The following SCFD2 variants were observed in gnomAD, a reference collection of about 807,000 sequenced individuals.
The protein encoded by SCFD2 is sec1 family domain-containing protein 2.
SCFD2 carries 54 observed loss-of-function variants against 58.9 expected under a neutral mutation model. That is an observed-to-expected ratio of 0.92 (90% CI 0.74 to 1.15). The LOEUF is 1.15. SCFD2 is among the 50% of genes most tolerant of loss of function. SCFD2 has a pLI of 0.00. For synonymous variants in SCFD2, 321 were observed against 335.9 expected, an observed-to-expected ratio of 0.96 and a Z score of 0.49; for missense variants, 805 against 836.6, an observed-to-expected ratio of 0.96 and a Z score of 0.47.
intron 5 of SCFD2, among the ~76,000 whole-genome samples, chr4:53,048,048 A>G (rs1301739766): frequency 6.6e-6 from 1 of 152,106 alleles, no homozygotes; most frequent in African/African-American, 2.4e-5. Context: ...AGCTTGAAAA[A>G]TCTTTTAATT....
chr4:52,921,893 G>A (rs1420359890), intron 5 of SCFD2, among the ~76,000 whole-genome samples: 2 of 152,142 alleles, frequency 1.3e-5, no homozygotes, highest in Admixed American at 6.5e-5. Context: ...GAGTGCTGGG[G>A]AGTCAACACT....
intron 2 of SCFD2, among the ~76,000 whole-genome samples, chr4:53,340,086 T>A (rs1733814939): frequency 6.6e-6 from 1 of 151,518 alleles, no homozygotes; most frequent in South Asian, 2.1e-4. Flanking sequence ...AGGTACCGGG[T>A]TCATCTCACT....
intron 5 of SCFD2, among the ~76,000 whole-genome samples, chr4:53,000,290 A>C (rs916641261): frequency 7.2e-5 from 11 of 152,210 alleles, no homozygotes; most frequent in Non-Finnish European, 1.5e-4. Context: ...TGGAGGCCCC[A>C]AACAGATTTT....
chr4:52,992,513 C>T (rs1436709903), intron 5 of SCFD2, among the ~76,000 whole-genome samples: 5 of 151,954 alleles, frequency 3.3e-5, no homozygotes, highest in African/African-American at 7.3e-5. Context: ...AGGAGCCCCT[C>T]TGCCCGGCCA....
At chr4:53,089,941 T>G (rs766024779) in intron 5 of SCFD2, among the ~76,000 whole-genome samples, 28 of 152,172 alleles carry the variant, frequency 1.8e-4, no homozygotes, top group Non-Finnish European at 3.2e-4. Flanking sequence ...TAAAAGGAAA[T>G]TAATTTTAAA....
chr4:53,181,883 C>G (rs935999443), intron 4 of SCFD2, among the ~76,000 whole-genome samples: 18 of 152,020 alleles, frequency 1.2e-4, no homozygotes, highest in African/African-American at 3.4e-4. Context: ...GCCAAATCAT[C>G]AGTGAACTCC....
chr4:53,056,461 G>T (rs77267151), intron 5 of SCFD2, among the ~76,000 whole-genome samples: 9,615 of 152,118 alleles, frequency 0.063, 724 homozygotes, highest in African/African-American at 0.18. Flanking sequence ...CTGGAAGTAA[G>T]GAAAGAGTAG....
intron 5 of SCFD2, among the ~76,000 whole-genome samples, chr4:53,028,332 T>G (rs1577670206): frequency 2.0e-5 from 3 of 152,198 alleles, no homozygotes; most frequent in East Asian, 3.8e-4. Context: ...TTCTTTTTGT[T>G]GTCAAATTAG....
At chr4:53,017,049 A>G (rs1186852177) in intron 5 of SCFD2, among the ~76,000 whole-genome samples, 2 of 152,200 alleles carry the variant, frequency 1.3e-5, no homozygotes, top group African/African-American at 4.8e-5. Context: ...CAGAGGTTGC[A>G]GTGAGCTGAG....
chr4:52,967,505 A>C (rs1399802086), intron 5 of SCFD2, among the ~76,000 whole-genome samples: 1 of 152,244 alleles, frequency 6.6e-6, no homozygotes, highest in South Asian at 2.1e-4. Flanking sequence ...AAACTCAAGC[A>C]TAACTTGCCA....
At chr4:53,299,834 A>G (rs1442236994) in intron 3 of SCFD2, among the ~76,000 whole-genome samples, 1 of 152,212 alleles carries the variant, frequency 6.6e-6, no homozygotes, top group South Asian at 2.1e-4. Flanking sequence ...AGAATTTCAT[A>G]TCCAGCCAAA....
intron 5 of SCFD2, among the ~76,000 whole-genome samples, chr4:53,057,991 C>T (rs1407034051): frequency 6.6e-6 from 1 of 151,954 alleles, no homozygotes; most frequent in Admixed American, 6.6e-5. Context: ...AAAGCCATCT[C>T]GGAAAGTCAA....
intron 5 of SCFD2, among the ~76,000 whole-genome samples, chr4:53,073,084 C>A (rs528031361): frequency 6.6e-6 from 1 of 152,028 alleles, no homozygotes; most frequent in Non-Finnish European, 1.5e-5. Context: ...CATGTACATA[C>A]TTTTTTTCCT....
intron 5 of SCFD2, among the ~76,000 whole-genome samples, chr4:52,993,271 T>C (rs1053955156): frequency 3.0e-4 from 46 of 151,774 alleles, no homozygotes; most frequent in Non-Finnish European, 5.3e-4. Flanking sequence ...GGCCGCAGGG[T>C]CCTCTGCCTA....
intron 4 of SCFD2, among the ~76,000 whole-genome samples, chr4:53,230,790 G>T (rs1277598058): frequency 6.6e-6 from 1 of 151,804 alleles, no homozygotes; most frequent in Admixed American, 6.6e-5. Context: ...TTAAAAAAAA[G>T]ATATGCAATA....
chr4:53,033,536 T>C (rs1310202398), intron 5 of SCFD2, among the ~76,000 whole-genome samples: 5 of 152,010 alleles, frequency 3.3e-5, no homozygotes, highest in Non-Finnish European at 7.4e-5. Flanking sequence ...AGGAGCTAGC[T>C]TTTTCAAAAG....
At position 53,081,321 on chromosome 4, in the gene SCFD2, G is replaced by A. The variant is rs150708814; in HGVS notation, c.1561+64012C>T. Among the ~76,000 whole-genome samples the A allele has an allele frequency of 7.0e-4, 106 of 152,086 alleles. 1 individual carries two copies. In the East Asian group the frequency reaches 0.014, roughly 20 times the overall value. On this transcript the variant is annotated intron_variant, in intron 5 of 8. Transcript: ENST00000401642. ...CAGGTTTGTTGCATGGGAATATTGC[G>A]TGATGCTGAGGTTTGGAGTACGGAT... is the stretch of plus-strand genomic sequence containing the variant.
At chr4:53,041,854 G>A (rs1328062110) in intron 5 of SCFD2, among the ~76,000 whole-genome samples, 2 of 152,082 alleles carry the variant, frequency 1.3e-5, no homozygotes, top group Non-Finnish European at 2.9e-5. Context: ...TTCCCAGAGT[G>A]TATCCACTTC....
chr4:53,192,609 G>A (rs767786940), intron 4 of SCFD2, among the ~76,000 whole-genome samples: 5 of 152,078 alleles, frequency 3.3e-5, no homozygotes, highest in Non-Finnish European at 7.4e-5. Context: ...AAAACCCCAC[G>A]AATTGCCATT....
Sources: gnomAD v4.1 joint callset for allele counts (sites outside exome capture counted in the v4.1 genomes callset) on GRCh38, gnomAD v4.1.1 for gene constraint, MANE v1.5 for transcripts, NCBI Gene and HGNC (gene_info 2026-07-23, HGNC 2026-07-21) for gene names.